CNTNAP2: variants seen among roughly 807,000 people sequenced by gnomAD.
The protein encoded by CNTNAP2 is contactin associated protein 2, also known as contactin-associated protein-like 2.
Under a neutral mutation model 155.2 loss-of-function variants are expected in CNTNAP2, and 98 were observed. That is an observed-to-expected ratio of 0.63 (90% CI 0.54 to 0.75). CNTNAP2 has a LOEUF of 0.75. Among genes scored for constraint, CNTNAP2 ranks in the 30% least tolerant of loss-of-function variants. The pLI is 0.00. For missense variants in CNTNAP2, 1,727 were observed against 1,688.1 expected (o/e 1.02, Z -0.40); for synonymous variants, 651 against 631.2 (o/e 1.03, Z -0.47).
chr7:146,317,421 A>T (rs1232968850), intron 1 of CNTNAP2, among the ~76,000 whole-genome samples: 2 of 152,134 alleles, frequency 1.3e-5, no homozygotes, highest in African/African-American at 4.8e-5. Flanking sequence ...CTTTTCCTGC[A>T]TGTTGTACCT....
chr7:147,712,417 A>C (rs994440798), intron 13 of CNTNAP2, among the ~76,000 whole-genome samples: 1 of 152,216 alleles, frequency 6.6e-6, no homozygotes, highest in Non-Finnish European at 1.5e-5. Context: ...AAGGATTATA[A>C]ATCATACTGC....
chr7:146,445,862 G>T (rs10230813), intron 1 of CNTNAP2, among the ~76,000 whole-genome samples: 5,191 of 152,196 alleles, frequency 0.034, 279 homozygotes, highest in African/African-American at 0.12. Context: ...TCTACCAAAT[G>T]TCTGTTACTG....
At chr7:148,298,432 T>G (rs1391800230) in intron 21 of CNTNAP2, among the ~76,000 whole-genome samples, 1 of 152,178 alleles carries the variant, frequency 6.6e-6, no homozygotes, top group East Asian at 1.9e-4. Context: ...CTGACCATCC[T>G]TCAAGAACTA....
At chr7:147,282,400 ACAT>A (rs1805061913) in intron 8 of CNTNAP2, among the ~76,000 whole-genome samples, 1 of 151,952 alleles carries the variant, frequency 6.6e-6, no homozygotes, top group African/African-American at 2.4e-5. Context: ...GGTTTGGATG[ACAT>A]CATCATCTCT....
At chr7:146,721,117 TCTATATATC>T (rs1422522285) in intron 1 of CNTNAP2, among the ~76,000 whole-genome samples, 2 of 134,518 alleles carry the variant, frequency 1.5e-5, no homozygotes, top group Non-Finnish European at 3.1e-5. Flanking sequence ...ATATATTCTC[TCTATATATC>T]CTATATATAT....
chr7:147,171,672 C>G (rs1375601796), intron 8 of CNTNAP2, among the ~76,000 whole-genome samples: 1 of 152,158 alleles, frequency 6.6e-6, no homozygotes, highest in Non-Finnish European at 1.5e-5. Context: ...GTAATAATTT[C>G]ATTTCTGCCT....
chr7:148,331,775 A>G (rs79783301), intron 21 of CNTNAP2, among the ~76,000 whole-genome samples: 14 of 137,112 alleles, frequency 1.0e-4, no homozygotes, highest in East Asian at 2.2e-4. Context: ...GGATGGATGG[A>G]ATGGACAGAT....
At chr7:146,304,499 T>C (rs1211384434) in intron 1 of CNTNAP2, among the ~76,000 whole-genome samples, 2 of 152,112 alleles carry the variant, frequency 1.3e-5, no homozygotes, top group Admixed American at 1.3e-4. Flanking sequence ...TGTTTGTCTG[T>C]AAAGGATTTT....
intron 3 of CNTNAP2, among the ~76,000 whole-genome samples, chr7:146,895,967 C>G (rs2129212468): frequency 6.6e-6 from 1 of 152,240 alleles, no homozygotes; most frequent in East Asian, 1.9e-4. Flanking sequence ...TACTGGCAAT[C>G]TAAGTACACC....
intron 15 of CNTNAP2, among the ~76,000 whole-genome samples, chr7:148,063,473 T>C (rs1585105754): frequency 1.3e-5 from 2 of 151,936 alleles, no homozygotes; most frequent in East Asian, 1.9e-4. Context: ...AGCTTTTTTT[T>C]CCTCTGTTTT....
At chr7:147,996,169 A>G (rs1385104956) in intron 15 of CNTNAP2, among the ~76,000 whole-genome samples, 1 of 152,222 alleles carries the variant, frequency 6.6e-6, no homozygotes, top group Non-Finnish European at 1.5e-5. Context: ...GCTTTGAACC[A>G]CAAGAAACAT....
intron 9 of CNTNAP2, among the ~76,000 whole-genome samples, chr7:147,394,811 G>GTGTC (rs905003602): frequency 9.9e-6 from 1 of 100,614 alleles, no homozygotes; most frequent in East Asian, 4.4e-4. Flanking sequence ...ACAGTATTGT[G>GTGTC]TGTGTGTGTG....
At chr7:147,313,689 G>A (rs1477206166) in intron 9 of CNTNAP2, among the ~76,000 whole-genome samples, 1 of 152,112 alleles carries the variant, frequency 6.6e-6, no homozygotes, top group Non-Finnish European at 1.5e-5. Flanking sequence ...CTTGAAGTCA[G>A]GTAGCGTGAT....
At chr7:148,151,982 A>T (rs547343300) in intron 17 of CNTNAP2, among the ~76,000 whole-genome samples, 21 of 152,218 alleles carry the variant, frequency 1.4e-4, no homozygotes, top group African/African-American at 4.8e-4. Flanking sequence ...CAAGAGCTCC[A>T]CCTAGGTTCC....
chr7:147,448,544 A>G (rs1405912356), intron 10 of CNTNAP2, among the ~76,000 whole-genome samples: 1 of 151,264 alleles, frequency 6.6e-6, no homozygotes, highest in Non-Finnish European at 1.5e-5. Context: ...TTTACTAGAA[A>G]TACTGAACAA....
chr7:147,078,875 G>A (rs759770000), intron 4 of CNTNAP2, among the ~76,000 whole-genome samples: 1 of 151,780 alleles, frequency 6.6e-6, no homozygotes, highest in South Asian at 2.1e-4. Flanking sequence ...TCAGTCTCCC[G>A]AGTAGCTGGG....
chr7:147,351,611 T>C (rs981866581), intron 9 of CNTNAP2, among the ~76,000 whole-genome samples: 2 of 151,856 alleles, frequency 1.3e-5, no homozygotes, highest in African/African-American at 2.4e-5. Context: ...ATATTTGTTA[T>C]AGTCTAAATT....
intron 8 of CNTNAP2, among the ~76,000 whole-genome samples, chr7:147,256,946 A>T (rs1049105075): frequency 2.0e-5 from 3 of 152,154 alleles, no homozygotes; most frequent in African/African-American, 7.2e-5. Flanking sequence ...TTAAGGGGGA[A>T]AAAGAGAAAA....
At chr7:147,745,941 AT>A (rs1797034848) in intron 13 of CNTNAP2, among the ~76,000 whole-genome samples, 1 of 152,152 alleles carries the variant, frequency 6.6e-6, no homozygotes, top group Non-Finnish European at 1.5e-5. Flanking sequence ...TAAGAATAAT[AT>A]ATTCAATGAA....
Sources: gnomAD v4.1 joint callset for allele counts (sites outside exome capture counted in the v4.1 genomes callset) on GRCh38, gnomAD v4.1.1 for gene constraint, MANE v1.5 for transcripts, NCBI Gene and HGNC (gene_info 2026-07-23, HGNC 2026-07-21) for gene names.